The following NKAIN3 variants were observed in gnomAD, a reference collection of about 807,000 sequenced individuals.
NKAIN3 encodes the protein sodium/potassium transporting ATPase interacting 3.
NKAIN3 carries 25 observed loss-of-function variants against 30.2 expected under a neutral mutation model. That is an observed-to-expected ratio of 0.83 (90% CI 0.60 to 1.16). The LOEUF (loss-of-function observed/expected upper bound fraction) is 1.16, where lower values mean the gene tolerates loss of function less well. Among genes scored for constraint, NKAIN3 ranks in the 50% most tolerant of loss-of-function variants. The probability of loss-of-function intolerance (pLI) is 0.00; values close to 1 mark genes in which losing one functional copy is unlikely to be tolerated. For synonymous variants in NKAIN3, 91 were observed against 89.6 expected, an observed-to-expected ratio of 1.02 and a Z score of -0.09; for missense variants, 225 against 254.1, an observed-to-expected ratio of 0.89 and a Z score of 0.78.
At chr8:62,916,359 T>A (rs1822104141) in intron 4 of NKAIN3, among the ~76,000 whole-genome samples, 1 of 152,094 alleles carries the variant, frequency 6.6e-6, no homozygotes, top group Admixed American at 6.6e-5. Flanking sequence ...GTCATAAGAG[T>A]ATAAGTGATA....
chr8:62,389,116 C>T (rs1817513776), intron 1 of NKAIN3, among the ~76,000 whole-genome samples: 1 of 152,160 alleles, frequency 6.6e-6, no homozygotes, highest in Admixed American at 6.6e-5. Context: ...TGCATGAAAA[C>T]TAGAAAGGCA....
In NKAIN3 at chr8:62,971,124, A is replaced by G. The variant is rs1043738149; in HGVS notation, c.*5717A>G. On this transcript the variant is annotated 3_prime_UTR_variant, in exon 7 of 7. Transcript: ENST00000623646. ...ATTTTTAAGACCATAACATGACTCA[A>G]AATGGCTGCTGAAGCTTCAGCCATT... Among the ~76,000 whole-genome samples the G allele has an allele frequency of 2.0e-5, 3 of 152,162 alleles. No individual in the cohort carries two copies. The highest frequency in any genetic ancestry group is 4.8e-5 in the African/African-American group (2 of 41,412).
At chr8:62,442,637 A>C (rs1254450868) in intron 1 of NKAIN3, among the ~76,000 whole-genome samples, 1 of 150,110 alleles carries the variant, frequency 6.7e-6, no homozygotes, top group Non-Finnish European at 1.5e-5. Flanking sequence ...TTTTGGCTTT[A>C]TTATAGTATT....
intron 3 of NKAIN3, among the ~76,000 whole-genome samples, chr8:62,619,183 A>T (rs1215118891): frequency 6.6e-6 from 1 of 152,294 alleles, no homozygotes; most frequent in East Asian, 1.9e-4. Context: ...GCTCATTGGT[A>T]CCTACCTTAG....
chr8:62,779,040 C>A (rs1476046442), intron 4 of NKAIN3, among the ~76,000 whole-genome samples: 2 of 152,060 alleles, frequency 1.3e-5, no homozygotes, highest in Non-Finnish European at 2.9e-5. Context: ...CCTCAGGACT[C>A]TGCCAGGTGC....
At chr8:62,602,943 C>A (rs1209247971) in intron 3 of NKAIN3, among the ~76,000 whole-genome samples, 2 of 152,068 alleles carry the variant, frequency 1.3e-5, no homozygotes, top group Admixed American at 6.6e-5. Flanking sequence ...AACTGCTGAG[C>A]TGAATTTTCA....
At chr8:62,741,709 G>C (rs1377372992) in intron 3 of NKAIN3, among the ~76,000 whole-genome samples, 1 of 152,134 alleles carries the variant, frequency 6.6e-6, no homozygotes, top group Non-Finnish European at 1.5e-5. Context: ...AACTCTAATT[G>C]CAGCTTTGTG....
chr8:62,684,101 G>A (rs1391118987), intron 3 of NKAIN3, among the ~76,000 whole-genome samples: 4 of 152,100 alleles, frequency 2.6e-5, no homozygotes, highest in African/African-American at 7.2e-5. Flanking sequence ...ATCAACTTGA[G>A]GTCCACAGGC....
chr8:62,565,281 A>G (rs1237008073), intron 1 of NKAIN3, among the ~76,000 whole-genome samples: 1 of 151,968 alleles, frequency 6.6e-6, no homozygotes, highest in Non-Finnish European at 1.5e-5. Context: ...TTTTCATATC[A>G]TTATATAAGA....
intron 1 of NKAIN3, among the ~76,000 whole-genome samples, chr8:62,578,472 G>A (rs1810186812): frequency 6.6e-6 from 1 of 152,034 alleles, no homozygotes; most frequent in Admixed American, 6.6e-5. Context: ...TGTGATTCAA[G>A]GGGGTTAACT....
At chr8:62,862,463 C>T (rs926291332) in intron 4 of NKAIN3, among the ~76,000 whole-genome samples, 1 of 151,798 alleles carries the variant, frequency 6.6e-6, no homozygotes, top group African/African-American at 2.4e-5. Flanking sequence ...AAAAGAGCAT[C>T]ATATATTTAA....
At chr8:62,635,716 C>T (rs1812105112) in intron 3 of NKAIN3, among the ~76,000 whole-genome samples, 1 of 152,144 alleles carries the variant, frequency 6.6e-6, no homozygotes, top group Non-Finnish European at 1.5e-5. Context: ...CCTCACAAGA[C>T]ACCAAATCTG....
chr8:62,847,513 C>A (rs1483375621), intron 4 of NKAIN3, among the ~76,000 whole-genome samples: 2 of 152,058 alleles, frequency 1.3e-5, no homozygotes, highest in African/African-American at 4.8e-5. Context: ...ATGTTCTTTG[C>A]CCACTTTTTA....
intron 1 of NKAIN3, among the ~76,000 whole-genome samples, chr8:62,392,021 A>T (rs552655588): frequency 6.6e-6 from 1 of 152,192 alleles, no homozygotes; most frequent in South Asian, 2.1e-4. Context: ...AACAACAAGG[A>T]AACATTCACT....
At chr8:62,390,561 C>G (rs114377044) in intron 1 of NKAIN3, among the ~76,000 whole-genome samples, 615 of 152,258 alleles carry the variant, frequency 4.0e-3, no homozygotes, top group African/African-American at 0.014. Flanking sequence ...GTAATACCCA[C>G]TAATGGGATT....
intron 1 of NKAIN3, among the ~76,000 whole-genome samples, chr8:62,425,621 C>A (rs1439728943): frequency 2.6e-5 from 4 of 151,810 alleles, no homozygotes; most frequent in African/African-American, 9.7e-5. Context: ...ATTCTATTTT[C>A]TCTATTTTTA....
intron 1 of NKAIN3, among the ~76,000 whole-genome samples, chr8:62,544,081 G>A (rs780674385): frequency 8.6e-5 from 13 of 151,910 alleles, no homozygotes; most frequent in Non-Finnish European, 1.2e-4. Flanking sequence ...AGCTCACTGC[G>A]ACCTCTGCCT....
intron 4 of NKAIN3, among the ~76,000 whole-genome samples, chr8:62,783,968 C>T (rs1298237595): frequency 6.6e-6 from 1 of 151,816 alleles, no homozygotes. Flanking sequence ...TTTTAAAGAG[C>T]ACATGCAGCA....
chr8:62,550,543 A>G (rs1327988736), intron 1 of NKAIN3, among the ~76,000 whole-genome samples: 5 of 152,250 alleles, frequency 3.3e-5, no homozygotes, highest in East Asian at 1.9e-4. Flanking sequence ...GACATTCTCT[A>G]TGAACAATGA....
Sources: allele counts gnomAD v4.1 joint callset (sites outside exome capture counted in the v4.1 genomes callset), GRCh38; gene constraint gnomAD v4.1.1; transcripts MANE v1.5; gene names NCBI Gene and HGNC (gene_info 2026-07-23, HGNC 2026-07-21).